The following SCN11A variants were observed in gnomAD, a reference collection of about 807,000 sequenced individuals.
SCN11A encodes sodium channel protein type 11 subunit alpha.
A neutral mutation model predicts 162.2 loss-of-function variants in SCN11A; 122 were observed. The ratio of observed to expected loss-of-function variants is 0.75; its 90% CI spans 0.65 to 0.87. The LOEUF is 0.87. Ranked by LOEUF, SCN11A falls within the 40% of genes least tolerant of loss-of-function variation. The probability of loss-of-function intolerance (pLI) is 0.00; values close to 1 mark genes in which losing one functional copy is unlikely to be tolerated. For missense variants in SCN11A, 2,015 were observed against 2,181.6 expected (o/e 0.92, Z 1.52); for synonymous variants, 758 against 751.5 (o/e 1.01, Z -0.14).
rs376599495 is a variant in SCN11A, at chr3:38,907,357, T to TACACACAC, written c.1473+584_1473+591dup. Among the ~76,000 whole-genome samples the TACACACAC allele has an allele frequency of 6.8e-4, 88 of 128,570 alleles. 1 individual carries two copies. Among genetic ancestry groups the TACACACAC allele is most frequent in the African/African-American group, 1.4e-3 (43 of 31,570 alleles). 84.3% of individuals were successfully genotyped at this position (128,570 alleles called of 152,430 possible). On this transcript the variant is annotated intron_variant, in intron 14 of 29. Coordinates refer to ENST00000302328, the MANE Select transcript of SCN11A (RefSeq NM_001349253.2). ...GTGTGTGTGTGTATATATCTATATA[T>TACACACAC]ACACACACACACACACACACACACA...
At chr3:39,019,624 G>A (rs1478039077) in intron 2 of SCN11A, among the ~76,000 whole-genome samples, 3 of 152,156 alleles carry the variant, frequency 2.0e-5, no homozygotes, top group Admixed American at 2.0e-4. Context: ...GATCAATCCA[G>A]TTTCTGTTAT....
chr3:38,972,604 A>G (rs958269620), intron 2 of SCN11A, among the ~76,000 whole-genome samples: 4 of 152,154 alleles, frequency 2.6e-5, no homozygotes, highest in Admixed American at 2.6e-4. Context: ...ACACATACAT[A>G]TATATGTAAA....
intron 10 of SCN11A, among the ~76,000 whole-genome samples, chr3:38,920,234 ACCACTTTGCCTCT>A (rs1304402448): frequency 6.7e-6 from 1 of 150,346 alleles, no homozygotes; most frequent in African/African-American, 2.5e-5. Context: ...CATCACCACC[ACCACTTTGCCTCT>A]CTTAAATAAT....
intron 28 of SCN11A, among the ~76,000 whole-genome samples, chr3:38,855,033 C>T (rs888420635): frequency 2.0e-5 from 3 of 152,192 alleles, no homozygotes; most frequent in East Asian, 1.9e-4. Context: ...GCTGCAGATA[C>T]GAGTGCAGGA....
At chr3:38,927,088 T>C (rs2066155033) in intron 7 of SCN11A, among the ~76,000 whole-genome samples, 157 bp from the exon 8 acceptor site, 1 of 152,190 alleles carries the variant, frequency 6.6e-6, no homozygotes, top group South Asian at 2.1e-4. Flanking sequence ...TGCAAGCTTT[T>C]TAAGCAAGTC....
In SCN11A at chr3:39,041,700, G is replaced by A. The variant is rs1374453261; in HGVS notation, c.-403-9197C>T. Among the ~76,000 whole-genome samples, 6 of 152,110 alleles carry A rather than the reference G, an allele frequency of 3.9e-5. No individual in the cohort carries two copies. In the East Asian group the frequency reaches 1.2e-3, roughly 29 times the overall value. On this transcript the variant is annotated intron_variant, in intron 1 of 29. Transcript: ENST00000302328. The stretch of plus-strand genomic sequence containing the variant: ...GACCATCCTTACAAGAAATACTTAA[G>A]GGAGTCCTACATCTGGAAGCAAAAG...
At chr3:38,951,535 G>C (rs1057167607) in intron 4 of SCN11A, among the ~76,000 whole-genome samples, 1 of 152,240 alleles carries the variant, frequency 6.6e-6, no homozygotes, top group Non-Finnish European at 1.5e-5. Context: ...TGAGGAGTGC[G>C]AGCGCATGGC....
chr3:39,036,345 A>G (rs2031904929), intron 1 of SCN11A, among the ~76,000 whole-genome samples: 1 of 151,988 alleles, frequency 6.6e-6, no homozygotes, highest in Non-Finnish European at 1.5e-5. Context: ...GGATTTTGCC[A>G]TGTTGGCCAG....
chr3:39,044,947 T>A (rs2032149418), intron 1 of SCN11A, among the ~76,000 whole-genome samples: 2 of 149,608 alleles, frequency 1.3e-5, no homozygotes, highest in African/African-American at 5.0e-5. Flanking sequence ...ACAACCCAAA[T>A]AAATAAAATC....
At position 38,871,610 on chromosome 3, in the gene SCN11A, G is replaced by A. The variant is rs200452551; in HGVS notation, c.3594C>T (p.Tyr1198=). 6 of 1,612,686 alleles carry A rather than the reference G, an allele frequency of 3.7e-6. No homozygotes were observed. The African/African-American group carries it at 5.3e-5, about 14-fold the overall frequency. Residue 1198 remains tyrosine (Y), a synonymous_variant, in exon 25 of 30, where the codon TAC becomes TAT. Coordinates refer to ENST00000302328, the MANE Select transcript of SCN11A (RefSeq NM_001349253.2). The part of the protein sequence containing the change: ...FWLVFCILGV[Y]FFSGKFGKCI... ...ATTTCCCAAATTTTCCAGAAAAGAA[G>A]TATACTCCCAGAATACAAAATACGA...
chr3:38,910,439 C>G lies in SCN11A; in HGVS notation c.960-232G>C, dbSNP rs189607633. ...CATTGAAAAATTGAGTACAGTGACACGTGAACAATGAATAGTATAAAAGCA... is the reference window on the plus strand; with the variant it reads ...CATTGAAAAATTGAGTACAGTGACAGGTGAACAATGAATAGTATAAAAGCA... On this transcript the variant is annotated intron_variant, in intron 11 of 29. Coordinates refer to ENST00000302328, the MANE Select transcript of SCN11A (RefSeq NM_001349253.2). 2.2e-3 allele frequency among the ~76,000 whole-genome samples: 333 copies of G among 152,294 alleles called. 2 individuals are homozygous for G. Among genetic ancestry groups the G allele is most frequent in the African/African-American group, 6.5e-3 (271 of 41,562 alleles).
At chr3:38,885,637 G>A (rs1284742392) in intron 20 of SCN11A, among the ~76,000 whole-genome samples, 1 of 152,150 alleles carries the variant, frequency 6.6e-6, no homozygotes, top group African/African-American at 2.4e-5. Flanking sequence ...GAATAGCAAT[G>A]CATATGAAGA....
At chr3:38,994,653 C>T (rs1171186933) in intron 2 of SCN11A, among the ~76,000 whole-genome samples, 1 of 152,120 alleles carries the variant, frequency 6.6e-6, no homozygotes, top group Non-Finnish European at 1.5e-5. Flanking sequence ...GGCCTAAGTC[C>T]CTTGGAGTCT....
chr3:38,911,326 C>T (rs2065885027), intron 11 of SCN11A, among the ~76,000 whole-genome samples: 1 of 152,122 alleles, frequency 6.6e-6, no homozygotes, highest in South Asian at 2.1e-4. Context: ...GAAGTTTTTC[C>T]TTAGCAATAT....
intron 7 of SCN11A, among the ~76,000 whole-genome samples, chr3:38,931,617 G>T (rs2066241449): frequency 1.3e-5 from 2 of 152,166 alleles, no homozygotes; most frequent in South Asian, 4.1e-4. Context: ...AGCCTCCCAG[G>T]GTCATCAATC....
At chr3:38,871,783 G>C in intron 24 of SCN11A, 75 bp from the exon 25 acceptor site, 1 of 1,218,044 alleles carries the variant, frequency 8.2e-7, no homozygotes, top group Non-Finnish European at 1.2e-6. Flanking sequence ...CTCAGCATGG[G>C]CCTGATGTGC....
chr3:38,943,361 T>TG (rs1006086005), intron 7 of SCN11A, among the ~76,000 whole-genome samples: 2 of 152,124 alleles, frequency 1.3e-5, no homozygotes, highest in Admixed American at 1.3e-4. Flanking sequence ...TGAGACGTTT[T>TG]GGGGGGTAAT....
rs185952904 is a variant in SCN11A, at chr3:38,894,638, C to T, written c.2730G>A (p.Arg910=). Residue 910 remains arginine (R), a synonymous_variant, in exon 19 of 30, where the codon AGG becomes AGA. Coordinates refer to ENST00000302328, the MANE Select transcript of SCN11A (RefSeq NM_001349253.2). The part of the protein sequence containing the change: ...LTSVPKTLGV[R]HDWTWLAPLA... ...GTGGTGCCAACCAAGTCCAATCATG[C>T]CTGACGCCCAGGGTCTTTGGTACAG... 6.2e-7 allele frequency: 1 copy of T among 1,614,180 alleles called. No individual in the cohort carries two copies. The highest frequency in any genetic ancestry group is 8.5e-7 in the Non-Finnish European group (1 of 1,180,000).
chr3:38,968,338 C>T (rs1318347242), intron 2 of SCN11A, among the ~76,000 whole-genome samples: 1 of 152,208 alleles, frequency 6.6e-6, no homozygotes, highest in Non-Finnish European at 1.5e-5. Flanking sequence ...TGACTCTGAA[C>T]CTCAACAGAG....
Sources: gnomAD v4.1 joint callset for allele counts (sites outside exome capture counted in the v4.1 genomes callset) on GRCh38, gnomAD v4.1.1 for gene constraint, MANE v1.5 for transcripts, NCBI Gene and HGNC (gene_info 2026-07-23, HGNC 2026-07-21) for gene names.